SYNE1: variants seen among roughly 807,000 people sequenced by gnomAD.
The protein encoded by SYNE1 is nesprin-1.
SYNE1 carries 616 observed loss-of-function variants against 1,111.0 expected under a neutral mutation model. The ratio of observed to expected loss-of-function variants is 0.55; its 90% CI spans 0.52 to 0.59. The LOEUF (loss-of-function observed/expected upper bound fraction) is 0.59, where lower values mean the gene tolerates loss of function less well. Among genes scored for constraint, SYNE1 ranks in the 20% least tolerant of loss-of-function variants. The pLI is 0.00. For missense variants in SYNE1, 10,006 were observed against 10,417.0 expected, an observed-to-expected ratio of 0.96 and a Z score of 1.72; for synonymous variants, 3,855 against 3,825.8, an observed-to-expected ratio of 1.01 and a Z score of -0.28.
Position 152,476,825 on chromosome 6 carries a change from C to T in SYNE1, c.1351-4412G>A, listed in dbSNP as rs181468798. ...CAGAGGCTGCAGTGAGCCATGACCA[C>T]ACCACTACACTCCCGCCTCGGCAAC... is the stretch of plus-strand genomic sequence containing the variant. On this transcript the variant is annotated intron_variant, in intron 14 of 145. Transcript: ENST00000367255. 6.5e-3 allele frequency among the ~76,000 whole-genome samples: 980 copies of T among 150,312 alleles called. 8 individuals are homozygous for T. Among genetic ancestry groups the T allele is most frequent in the Non-Finnish European group, 0.011 (717 of 67,744 alleles).
intron 41 of SYNE1, among the ~76,000 whole-genome samples, chr6:152,414,468 G>A (rs1278401103): frequency 6.6e-6 from 1 of 152,036 alleles, no homozygotes; most frequent in Non-Finnish European, 1.5e-5. Flanking sequence ...TTACAGTTTG[G>A]TATAGGACTG....
intron 3 of SYNE1, among the ~76,000 whole-genome samples, chr6:152,611,580 C>T (rs907797607): frequency 2.6e-4 from 39 of 152,138 alleles, no homozygotes; most frequent in Admixed American, 2.4e-3. Context: ...CAACATTAGA[C>T]AGATCAATGA....
At chr6:152,461,815 G>C in intron 20 of SYNE1, 75 bp from the exon 21 acceptor site, 1 of 1,597,198 alleles carries the variant, frequency 6.3e-7, no homozygotes, top group South Asian at 1.1e-5. Context: ...ACAGAAGGCA[G>C]AACAAAAATC....
At position 152,187,259 on chromosome 6, in the gene SYNE1, G is replaced by A. The variant is rs185731570; in HGVS notation, c.23301+1993C>T. 3.5e-3 allele frequency among the ~76,000 whole-genome samples: 539 copies of A among 152,218 alleles called. 4 individuals are homozygous for A. The highest frequency in any genetic ancestry group is 0.012 in the African/African-American group (517 of 41,544). ...CTCCAGAGTTTTCTGTTGGCCCACG[G>A]ATTGAGAAAAACATGGGTTTTCACC... On this transcript the variant is annotated intron_variant, in intron 128 of 145. Transcript: ENST00000367255.
At chr6:152,543,219 T>C (rs2099280388) in intron 3 of SYNE1, among the ~76,000 whole-genome samples, 1 of 152,260 alleles carries the variant, frequency 6.6e-6, no homozygotes, top group Non-Finnish European at 1.5e-5. Context: ...ACAGCATATA[T>C]TTAAATGTTA....
In SYNE1 at chr6:152,164,221, G is replaced by A. The variant is rs763428759; in HGVS notation, c.23732C>T (p.Pro7911Leu). The change falls in exon 131 of 146, where the codon CCA becomes CTA. Residue 7911 changes from proline (P) to leucine (L), a missense_variant. By Grantham distance (98) the Pro-to-Leu change is moderately conservative. Coordinates refer to ENST00000367255, the MANE Select transcript of SYNE1 (RefSeq NM_182961.4). ...CGAGTTACAGGAATCGTAGACTATT[G>A]GCTTGGCCAGCTCTGACTCGATGTG... ...LAHIESELAKPIVYDSCNSEE... is the reference protein window; with the variant it reads ...LAHIESELAKLIVYDSCNSEE... 6.2e-7 allele frequency: 1 copy of A among 1,614,124 alleles called. No individual in the cohort carries two copies. Among genetic ancestry groups the A allele is most frequent in the Admixed American group, 1.7e-5 (1 of 60,022 alleles).
intron 40 of SYNE1, among the ~76,000 whole-genome samples, chr6:152,417,358 C>A (rs577664480): frequency 6.6e-6 from 1 of 152,090 alleles, no homozygotes; most frequent in Non-Finnish European, 1.5e-5. Flanking sequence ...ATTATCCAGG[C>A]GTGGTGGTGG....
chr6:152,416,960 T>C lies in SYNE1; in HGVS notation c.5477A>G (p.His1826Arg), dbSNP rs2154182687. The C allele has an allele frequency of 6.2e-7, 1 of 1,614,226 alleles. No homozygotes were observed. Among genetic ancestry groups the C allele is most frequent in the Non-Finnish European group, 8.5e-7 (1 of 1,180,046 alleles). Residue 1826 changes from histidine (H) to arginine (R), a missense_variant, in exon 41 of 146, where the codon CAC becomes CGC. His to Arg is a conservative substitution (Grantham distance 29, BLOSUM62 0). This residue lies in a region of SYNE1 where 4,955 missense variants were observed against 5,017.2 expected (regional missense o/e 0.99). Transcript: ENST00000367255. ...KKGELQSLQG[H>R]LAKLGSLGRA... ...GCCCAGAGAACCCAACTTTGCTAAG[T>C]GACCCTGCAGACTCTGCAATTCGCC...
chr6:152,413,814 G>A (rs1471188974), intron 41 of SYNE1, among the ~76,000 whole-genome samples: 1 of 152,012 alleles, frequency 6.6e-6, no homozygotes, highest in Non-Finnish European at 1.5e-5. Context: ...TTTGATGGTA[G>A]AAGATTTTCA....
At chr6:152,421,338 C>G (rs1029270078) in intron 39 of SYNE1, among the ~76,000 whole-genome samples, 1 of 152,122 alleles carries the variant, frequency 6.6e-6, no homozygotes, top group African/African-American at 2.4e-5. Flanking sequence ...TTATGAAAAA[C>G]GTAGCAGCAA....
chr6:152,361,858 A>T (rs2096937426), intron 64 of SYNE1, among the ~76,000 whole-genome samples: 1 of 152,138 alleles, frequency 6.6e-6, no homozygotes, highest in East Asian at 1.9e-4. Context: ...AAAAAAAAAA[A>T]AAAGGAAGAC....
intron 96 of SYNE1, among the ~76,000 whole-genome samples, chr6:152,282,778 T>C (rs1183343484): frequency 6.6e-6 from 1 of 152,070 alleles, no homozygotes; most frequent in Non-Finnish European, 1.5e-5. Context: ...ATTTCTCTAA[T>C]ACAAGAAGTA....
intron 91 of SYNE1, 116 bp from the exon 92 acceptor site, chr6:152,302,179 G>A (rs1016022492): frequency 3.5e-6 from 5 of 1,413,582 alleles, no homozygotes; most frequent in African/African-American, 1.4e-5. Flanking sequence ...CGCGGGCCCG[G>A]GAGGCAGGAT....
At chr6:152,243,003 T>C (rs1202111504) in intron 106 of SYNE1, among the ~76,000 whole-genome samples, 1 of 152,164 alleles carries the variant, frequency 6.6e-6, no homozygotes, top group Non-Finnish European at 1.5e-5. Flanking sequence ...AATAAAGATA[T>C]GTCTATAAAA....
intron 145 of SYNE1, among the ~76,000 whole-genome samples, 193 bp downstream of exon 145, chr6:152,130,527 T>C (rs554674015): frequency 6.6e-6 from 1 of 152,350 alleles, no homozygotes; most frequent in South Asian, 2.1e-4. Flanking sequence ...CCAAATATTT[T>C]ATGCTCTGAA....
chr6:152,607,681 G>A (rs1377012814), intron 3 of SYNE1, among the ~76,000 whole-genome samples: 2 of 152,096 alleles, frequency 1.3e-5, no homozygotes, highest in East Asian at 3.9e-4. Context: ...TCCCATTACT[G>A]GGTATATACC....
chr6:152,485,198 C>G (rs1472046881), intron 12 of SYNE1, among the ~76,000 whole-genome samples: 1 of 152,190 alleles, frequency 6.6e-6, no homozygotes, highest in Non-Finnish European at 1.5e-5. Context: ...CTCTGGTTCT[C>G]TCCATCACCC....
At chr6:152,222,123 G>A (rs184221867) in intron 117 of SYNE1, among the ~76,000 whole-genome samples, 2 of 152,314 alleles carry the variant, frequency 1.3e-5, no homozygotes, top group Non-Finnish European at 2.9e-5. Context: ...TTTAGATTGA[G>A]TGGTCCAACC....
At chr6:152,134,977 A>C (rs2056719903) in intron 142 of SYNE1, 127 bp downstream of exon 142, 1 of 1,297,056 alleles carries the variant, frequency 7.7e-7, no homozygotes, top group Non-Finnish European at 1.1e-6. Flanking sequence ...AAAAAGTGTA[A>C]AGTAGAGACT....
Sources: gnomAD v4.1 joint callset for allele counts (sites outside exome capture counted in the v4.1 genomes callset) on GRCh38, gnomAD v4.1.1 for gene constraint, gnomAD v4.1.1 regional missense constraint, MANE v1.5 for transcripts, NCBI Gene and HGNC (gene_info 2026-07-23, HGNC 2026-07-21) for gene names.